The following RP1L1 variants were observed in gnomAD, a reference collection of about 807,000 sequenced individuals.
RP1L1 encodes retinitis pigmentosa 1-like 1 protein.
Under a neutral mutation model 15.7 loss-of-function variants are expected in RP1L1, and 27 were observed. The observed-to-expected ratio is 1.72, with a 90% CI of 1.27 to 2.38. The LOEUF (loss-of-function observed/expected upper bound fraction) is 2.38. Among genes scored for constraint, RP1L1 ranks in the 30% most tolerant of loss-of-function variants. The pLI is 0.00. For missense variants in RP1L1, 4,798 were observed against 3,075.9 expected (o/e 1.56, Z -13.24); for synonymous variants, 1,813 against 1,276.7 (o/e 1.42, Z -8.96).
In RP1L1 at chr8:10,611,906, T is replaced by C; in HGVS notation, c.2192A>G (p.Asp731Gly). The change falls in exon 4 of 4, where the codon GAC (aspartate) becomes GGC (glycine). Residue 731 changes from aspartate (D) to glycine (G), a missense_variant. By Grantham distance (94) the Asp-to-Gly change is moderately conservative. Coordinates refer to ENST00000382483, the MANE Select transcript of RP1L1 (RefSeq NM_178857.6). ...AGTGGCACTGCTGGTTCCCAGAAGG[T>C]CCTGGGAAGGAAGAGAGCCCGAGGA... ...PPSSGSLPSQ[D>G]LLGTSSATVT... 3.7e-6 allele frequency: 6 copies of C among 1,613,816 alleles called. No homozygotes were observed. The highest frequency in any genetic ancestry group is 5.1e-6 in the Non-Finnish European group (6 of 1,180,026).
In RP1L1 at chr8:10,613,305, G is replaced by C. The variant is rs367838293; in HGVS notation, c.793C>G (p.Arg265Gly). 1.2e-4 allele frequency: 199 copies of C among 1,602,566 alleles called. 2 individuals carry two copies. The highest frequency in any genetic ancestry group is 1.2e-3 in the East Asian group (53 of 44,874). The change falls in exon 4 of 4, where the codon CGG becomes GGG. Residue 265 changes from arginine (R) to glycine (G), a missense_variant. Arg to Gly is a moderately radical substitution (Grantham distance 125). Transcript: ENST00000382483. ...PKTKPSVIHS[R>G]SPPGSTPRLP... ...CGTGGCGTGCTGCCTGGCGGAGACCGCGAATGGATCACACTCGGCTTGGTC... is the reference window on the plus strand; with the variant it reads ...CGTGGCGTGCTGCCTGGCGGAGACCCCGAATGGATCACACTCGGCTTGGTC...
Position 10,606,943 on chromosome 8 carries a change from C to G in RP1L1, c.7155G>C (p.Glu2385Asp). Residue 2385 changes from glutamate (E) to aspartate (D), a missense_variant, in exon 4 of 4, where the codon GAG becomes GAC. Coordinates refer to ENST00000382483, the MANE Select transcript of RP1L1 (RefSeq NM_178857.6). The part of the protein sequence containing the change: ...DQALGSLAPT[E>D]AVGRADGFGQ... ...CAAAGCCGTCTGCCCTGCCCACTGCCTCAGTGGGGGCGAGACTTCCGAGTG... is the reference window on the plus strand; with the variant it reads ...CAAAGCCGTCTGCCCTGCCCACTGCGTCAGTGGGGGCGAGACTTCCGAGTG... 1 of 1,614,254 alleles carries G rather than the reference C, an allele frequency of 6.2e-7. No individual in the cohort carries two copies. Among genetic ancestry groups the G allele is most frequent in the Non-Finnish European group, 8.5e-7 (1 of 1,180,048 alleles).
chr8:10,646,763 C>T lies in RP1L1; in HGVS notation c.-20+8135G>A, dbSNP rs142256722. ...CTACTAGCTACGTGACTTTAGGCCA[C>T]TGACTTATCTGCTCCACGCCCTCCT... On this transcript the variant is annotated intron_variant, in intron 1 of 3. Coordinates refer to ENST00000382483, the MANE Select transcript of RP1L1 (RefSeq NM_178857.6). Among the ~76,000 whole-genome samples, 79 of 152,336 alleles carry T rather than the reference C, an allele frequency of 5.2e-4. No homozygotes were observed. The East Asian group carries it at 0.015, about 28-fold the overall frequency.
In RP1L1 at chr8:10,622,875, G is replaced by GA. The variant is rs771427543; in HGVS notation, c.326_327insT (p.Lys111GlnfsTer27). 1,649 of 1,613,380 alleles carry GA rather than the reference G, an allele frequency of 1.0e-3. 4 individuals are homozygous for GA. The highest frequency in any genetic ancestry group is 8.5e-4 in the Non-Finnish European group (1,001 of 1,179,564). On this transcript the variant is annotated frameshift_variant, in exon 2 of 4. Coordinates refer to ENST00000382483, the MANE Select transcript of RP1L1 (RefSeq NM_178857.6). LOFTEE classifies it high-confidence loss of function. ...GGCCTGGTCCACTGGGGGTCTTGGG[G>GA]GGCTTCTTATCAGAGCAGAGGTAGC...
chr8:10,616,275 T>C (rs1039405348), intron 3 of RP1L1, among the ~76,000 whole-genome samples, 171 bp downstream of exon 3: 7 of 152,058 alleles, frequency 4.6e-5, no homozygotes, highest in South Asian at 2.1e-4. Context: ...CCAAGTAAGA[T>C]TGACAGTACT....
At chr8:10,646,479 C>T (rs536099891) in intron 1 of RP1L1, among the ~76,000 whole-genome samples, 136 of 152,210 alleles carry the variant, frequency 8.9e-4, no homozygotes, top group Non-Finnish European at 1.4e-3. Context: ...TTGGAGCCCA[C>T]GAGAGGATGG....
intron 1 of RP1L1, among the ~76,000 whole-genome samples, chr8:10,628,386 C>G (rs1212829811): frequency 6.6e-6 from 1 of 152,090 alleles, no homozygotes; most frequent in Non-Finnish European, 1.5e-5. Context: ...CACCAATGCC[C>G]CTCCTGAAAA....
chr8:10,648,541 T>C (rs1440735918), intron 1 of RP1L1, among the ~76,000 whole-genome samples: 1 of 152,186 alleles, frequency 6.6e-6, no homozygotes, highest in Non-Finnish European at 1.5e-5. Flanking sequence ...GGATCTGTTA[T>C]GCGTTTCCAA....
intron 3 of RP1L1, among the ~76,000 whole-genome samples, 169 bp downstream of exon 3, chr8:10,616,277 G>C (rs189182385): frequency 2.5e-4 from 38 of 152,250 alleles, no homozygotes; most frequent in African/African-American, 7.2e-4. Context: ...AAGTAAGATT[G>C]ACAGTACTGA....
In RP1L1 at chr8:10,613,150, A is replaced by C; in HGVS notation, c.948T>G (p.Asn316Lys). 1 of 1,613,840 alleles carries C rather than the reference A, an allele frequency of 6.2e-7. No individual in the cohort carries two copies. Among genetic ancestry groups the C allele is most frequent in the Middle Eastern group, 1.6e-4 (1 of 6,062 alleles). The stretch of plus-strand genomic sequence containing the variant: ...TCTCCACGGACAGGCTGCCGTCCTC[A>C]TTCATGCGGACCTTCTTCTTCATGT... ...GDDMKKKVRMNEDGSLSVEMK... is the reference protein window; with the variant it reads ...GDDMKKKVRMKEDGSLSVEMK... Residue 316 changes from asparagine (N) to lysine (K), a missense_variant, in exon 4 of 4, where the codon AAT (asparagine) becomes AAG (lysine). Transcript: ENST00000382483.
chr8:10,608,453 T>C lies in RP1L1; in HGVS notation c.5645A>G (p.Glu1882Gly). 7 of 1,604,498 alleles carry C rather than the reference T, an allele frequency of 4.4e-6. No individual in the cohort carries two copies. Among genetic ancestry groups the C allele is most frequent in the Non-Finnish European group, 5.1e-6 (6 of 1,174,168 alleles). ...TACATCTTCTGACTCTGGCTGGGCCTCTCCTTCTGCCTCTGGGGCCTCTAC... is the reference window on the plus strand; with the variant it reads ...TACATCTTCTGACTCTGGCTGGGCCCCTCCTTCTGCCTCTGGGGCCTCTAC... ...EDVEAPEAEGEAQPESEDVET... is the reference protein window; with the variant it reads ...EDVEAPEAEGGAQPESEDVET... Residue 1882 changes from glutamate to glycine, a missense_variant, in exon 4 of 4, where the codon GAG becomes GGG. Coordinates refer to ENST00000382483, the MANE Select transcript of RP1L1 (RefSeq NM_178857.6).
rs375562242 is a variant in RP1L1, at chr8:10,610,518, T to C, written c.3580A>G (p.Thr1194Ala). 2.5e-6 allele frequency: 4 copies of C among 1,613,560 alleles called. No homozygotes were observed. The highest frequency in any genetic ancestry group is 3.4e-6 in the Non-Finnish European group (4 of 1,180,016). The change falls in exon 4 of 4, where the codon ACG (threonine) becomes GCG (alanine). Residue 1194 changes from threonine (T) to alanine (A), a missense_variant. Coordinates refer to ENST00000382483, the MANE Select transcript of RP1L1 (RefSeq NM_178857.6). ...TCCACACCAGAGGAGGATGTGGGCGTGAAGTTCTCCGTCATGGCATGGGAC... is the reference window on the plus strand; with the variant it reads ...TCCACACCAGAGGAGGATGTGGGCGCGAAGTTCTCCGTCATGGCATGGGAC... Reference protein sequence around the residue: ...LGSHAMTENFTPTSSSGVDIS... With the variant: ...LGSHAMTENFAPTSSSGVDIS...
intron 1 of RP1L1, among the ~76,000 whole-genome samples, chr8:10,647,619 C>CT (rs1277428774): frequency 3.9e-5 from 6 of 152,222 alleles, no homozygotes; most frequent in Admixed American, 2.0e-4. Context: ...GCTTATTTCA[C>CT]TTAGCATCAT....
rs1175739956 is a variant in RP1L1, at chr8:10,609,307, C to A, written c.4791G>T (p.Gly1597=). 1.9e-6 allele frequency: 3 copies of A among 1,611,404 alleles called. No individual in the cohort carries two copies. The African/African-American group carries it at 4.0e-5, about 22-fold the overall frequency. ...GCTGCTGGGTCTGCAGGAGCAGCTC[C>A]CCGGTGAGGGCCTCCCTTGGAGGCT... The part of the protein sequence containing the change: ...VLEPPREALT[G]ELLLQTQQRR... The change falls in exon 4 of 4, where the codon GGG becomes GGT. Residue 1597 remains glycine, a synonymous_variant. Transcript: ENST00000382483.
intron 1 of RP1L1, among the ~76,000 whole-genome samples, chr8:10,648,068 G>T (rs577589104): frequency 6.7e-6 from 1 of 150,098 alleles, no homozygotes; most frequent in African/African-American, 2.5e-5. Flanking sequence ...GTCTCACTCC[G>T]TTGTCCAGGC....
chr8:10,647,301 C>T (rs191712504), intron 1 of RP1L1, among the ~76,000 whole-genome samples: 39 of 152,340 alleles, frequency 2.6e-4, no homozygotes, highest in African/African-American at 8.7e-4. Flanking sequence ...CTATGGTTGT[C>T]GCTCTACTGT....
intron 2 of RP1L1, among the ~76,000 whole-genome samples, chr8:10,617,250 C>T (rs538408673): frequency 1.3e-5 from 2 of 151,870 alleles, no homozygotes; most frequent in African/African-American, 2.4e-5. Context: ...GTCCCTGGAC[C>T]GAGAAGCCCC....
At chr8:10,617,335 C>T (rs1282469793) in intron 2 of RP1L1, among the ~76,000 whole-genome samples, 1 of 148,016 alleles carries the variant, frequency 6.8e-6, no homozygotes, top group Non-Finnish European at 1.5e-5. Context: ...GAATGTATTT[C>T]CATCTTTAAA....
chr8:10,637,285 A>G (rs1798344519), intron 1 of RP1L1, among the ~76,000 whole-genome samples: 1 of 152,154 alleles, frequency 6.6e-6, no homozygotes, highest in Admixed American at 6.5e-5. Flanking sequence ...AGGTCCTCTC[A>G]CCCCAGAGCA....
Sources: gnomAD v4.1 joint callset for allele counts (sites outside exome capture counted in the v4.1 genomes callset) on GRCh38, gnomAD v4.1.1 for gene constraint, MANE v1.5 for transcripts, NCBI Gene and HGNC (gene_info 2026-07-23, HGNC 2026-07-21) for gene names.